Variants in RBFOX1 observed in about 807,000 individuals in gnomAD.
RBFOX1 encodes RNA binding fox-1 homolog 1.
A neutral mutation model predicts 57.7 loss-of-function variants in RBFOX1; 8 were observed. That is an observed-to-expected ratio of 0.14 (90% confidence interval 0.08 to 0.25). The LOEUF is 0.25. RBFOX1 is among the 10% of genes least tolerant of loss of function. The pLI is 1.00. For synonymous variants in RBFOX1, 326 were observed against 222.4 expected, an observed-to-expected ratio of 1.47 and a Z score of -4.15; for missense variants, 611 against 548.5, an observed-to-expected ratio of 1.11 and a Z score of -1.14.
At chr16:6,183,025 G>C (rs573595382) in intron 1 of RBFOX1, among the ~76,000 whole-genome samples, 3 of 152,278 alleles carry the variant, frequency 2.0e-5, no homozygotes, top group South Asian at 2.1e-4. Context: ...AAATGTTTTT[G>C]AGTGTTTACT....
chr16:5,966,709 A>G (rs2059850717), intron 4 of RBFOX1, among the ~76,000 whole-genome samples: 1 of 152,158 alleles, frequency 6.6e-6, no homozygotes. Flanking sequence ...AACAGTACCA[A>G]GAGGATGGTG....
In RBFOX1 at chr16:7,712,231, A is replaced by T. The variant is rs1165378166; in HGVS notation, c.*1486A>T. ...CTTCCTGTTTTGTATTTAAATAAAA[A>T]CAACAGCAGCAGGCTGTCCCTGAGT... On this transcript the variant is annotated 3_prime_UTR_variant, in exon 16 of 16. Coordinates refer to ENST00000550418, the MANE Select transcript of RBFOX1 (RefSeq NM_018723.4). The T allele has an allele frequency of 3.9e-5, 6 of 152,578 alleles. No homozygotes were observed. Among genetic ancestry groups the T allele is most frequent in the Admixed American group, 2.6e-4 (4 of 15,274 alleles). The allele number at this position is 152,578 out of a possible 1,614,324, so 9.5% of individuals were successfully genotyped here. A position where few individuals can be genotyped will look rare whatever the true frequency, so the allele number is the denominator to read the frequency against.
chr16:7,046,237 G>GGT (rs34943266), intron 3 of RBFOX1, among the ~76,000 whole-genome samples: 18,402 of 146,592 alleles, frequency 0.13, 1,471 homozygotes, highest in African/African-American at 0.24. Flanking sequence ...TAGGTAAAGG[G>GGT]GTGTGTGTGT....
chr16:6,895,442 GTGTGTGTATATATATATATATATA>G (rs1375068931), intron 3 of RBFOX1, among the ~76,000 whole-genome samples: 1 of 78,664 alleles, frequency 1.3e-5, no homozygotes, highest in African/African-American at 5.0e-5. Flanking sequence ...GTGTGTGTGT[GTGTGTGTATATATATATATATATA>G]TATATATATA....
intron 4 of RBFOX1, among the ~76,000 whole-genome samples, chr16:5,909,147 C>T (rs370432471): frequency 7.8e-6 from 1 of 127,406 alleles, no homozygotes; most frequent in Non-Finnish European, 1.5e-5. Context: ...GGCTGGAGTG[C>T]AGTGGTGCGG....
At chr16:7,532,098 T>C (rs1032164589) in intron 5 of RBFOX1, among the ~76,000 whole-genome samples, 21 of 151,792 alleles carry the variant, frequency 1.4e-4, no homozygotes, top group African/African-American at 4.8e-4. Flanking sequence ...AATAGATTGT[T>C]CTCTGGCCTT....
intron 4 of RBFOX1, among the ~76,000 whole-genome samples, chr16:5,933,031 C>A (rs994163280): frequency 3.3e-5 from 5 of 152,178 alleles, no homozygotes; most frequent in African/African-American, 7.2e-5. Flanking sequence ...GTAGAAAGCC[C>A]AGAGCCGAGG....
At chr16:7,293,557 C>T (rs770382606) in intron 4 of RBFOX1, among the ~76,000 whole-genome samples, 2 of 152,100 alleles carry the variant, frequency 1.3e-5, no homozygotes, top group African/African-American at 4.8e-5. Context: ...TAATGGAACC[C>T]AGAGACAGGG....
At chr16:6,413,403 G>A (rs1464788317) in intron 2 of RBFOX1, among the ~76,000 whole-genome samples, 1 of 151,950 alleles carries the variant, frequency 6.6e-6, no homozygotes, top group Non-Finnish European at 1.5e-5. Context: ...GGCTCAAGCA[G>A]TCCTCTCATC....
At chr16:6,185,276 A>G (rs910868964) in intron 1 of RBFOX1, among the ~76,000 whole-genome samples, 1 of 152,168 alleles carries the variant, frequency 6.6e-6, no homozygotes, top group Admixed American at 6.5e-5. Flanking sequence ...CTCTGAAATA[A>G]AACTTGTCTA....
At chr16:6,654,942 A>G (rs1375474021) in intron 3 of RBFOX1, among the ~76,000 whole-genome samples, 2 of 152,076 alleles carry the variant, frequency 1.3e-5, no homozygotes, top group Non-Finnish European at 1.5e-5. Flanking sequence ...AACACTTGTC[A>G]CATTGAACTT....
At chr16:5,445,160 C>T (rs759865616) in intron 1 of RBFOX1, among the ~76,000 whole-genome samples, 2 of 152,192 alleles carry the variant, frequency 1.3e-5, no homozygotes, top group African/African-American at 2.4e-5. Flanking sequence ...TGTTACAATA[C>T]TTTAAGCAGA....
intron 2 of RBFOX1, among the ~76,000 whole-genome samples, chr16:5,596,006 C>G (rs1355055695): frequency 6.6e-6 from 1 of 152,102 alleles, no homozygotes; most frequent in Admixed American, 6.5e-5. Flanking sequence ...TCCTGTGCTC[C>G]TGATGAAAAT....
At chr16:6,122,357 AACACACACACAC>A (rs61531585) in intron 1 of RBFOX1, among the ~76,000 whole-genome samples, 48 of 145,452 alleles carry the variant, frequency 3.3e-4, no homozygotes, top group African/African-American at 1.1e-3. Flanking sequence ...CTAAAAGATA[AACACACACACAC>A]ACACACACAC....
chr16:6,254,155 G>T (rs944794468), intron 1 of RBFOX1, among the ~76,000 whole-genome samples: 1 of 152,020 alleles, frequency 6.6e-6, no homozygotes, highest in Non-Finnish European at 1.5e-5. Flanking sequence ...AAGCACCCTC[G>T]TCAATAGCAT....
At chr16:7,098,568 A>AACATAT (rs775553464) in intron 4 of RBFOX1, among the ~76,000 whole-genome samples, 8 of 152,176 alleles carry the variant, frequency 5.3e-5, no homozygotes, top group Admixed American at 1.3e-4. Context: ...AGCACCCTTA[A>AACATAT]ACATATACAT....
intron 2 of RBFOX1, among the ~76,000 whole-genome samples, chr16:6,473,917 T>A (rs1422090564): frequency 2.6e-5 from 4 of 152,202 alleles, no homozygotes; most frequent in Admixed American, 2.6e-4. Flanking sequence ...GTTACGAATC[T>A]AGTCCTGATT....
At chr16:5,745,582 C>G (rs2052946973) in intron 3 of RBFOX1, among the ~76,000 whole-genome samples, 1 of 152,206 alleles carries the variant, frequency 6.6e-6, no homozygotes, top group Non-Finnish European at 1.5e-5. Context: ...GTTCCTATTT[C>G]TCCACATCCT....
chr16:7,655,373 T>C (rs897948382), intron 12 of RBFOX1, among the ~76,000 whole-genome samples: 1 of 152,226 alleles, frequency 6.6e-6, no homozygotes, highest in Non-Finnish European at 1.5e-5. Flanking sequence ...GCTCTCTCTA[T>C]GCATACACAT....
Sources: allele counts gnomAD v4.1 joint callset (sites outside exome capture counted in the v4.1 genomes callset), GRCh38; gene constraint gnomAD v4.1.1; transcripts MANE v1.5; gene names NCBI Gene and HGNC (gene_info 2026-07-23, HGNC 2026-07-21).